Variants in ARHGEF38 observed in about 807,000 individuals in gnomAD.
ARHGEF38 encodes Rho guanine nucleotide exchange factor 38.
ARHGEF38 carries 79 observed loss-of-function variants against 79.9 expected under a neutral mutation model. The observed-to-expected ratio is 0.99, with a 90% CI of 0.82 to 1.19. ARHGEF38 has a LOEUF of 1.19. ARHGEF38 is among the 50% of genes most tolerant of loss of function. The pLI, the probability that ARHGEF38 is intolerant of heterozygous loss-of-function variation, is 0.00. For synonymous variants in ARHGEF38, 366 were observed against 328.3 expected (o/e 1.11, Z -1.24); for missense variants, 962 against 907.2 (o/e 1.06, Z -0.78).
chr4:105,606,426 C>T (rs1728043759), intron 2 of ARHGEF38, among the ~76,000 whole-genome samples: 1 of 151,916 alleles, frequency 6.6e-6, no homozygotes, highest in South Asian at 2.1e-4. Flanking sequence ...AAATTAAGAG[C>T]CCAAAAATAT....
chr4:105,552,677 T>A lies in ARHGEF38; in HGVS notation c.-89T>A. ...TTTAGTTAGAAGGGAGCAGATAAAC[T>A]CGTCACTCTAGTAGCTTTAACCCTC... On this transcript the variant is annotated 5_prime_UTR_variant, in exon 1 of 14. Coordinates refer to ENST00000420470, the MANE Select transcript of ARHGEF38 (RefSeq NM_001242729.2). The A allele has an allele frequency of 9.2e-7, 1 of 1,086,574 alleles. No individual in the cohort carries two copies. The highest frequency in any genetic ancestry group is 1.3e-6 in the Non-Finnish European group (1 of 763,578). The allele number at this position is 1,086,574 out of a possible 1,614,324, so 67.3% of individuals were successfully genotyped here. A position where few individuals can be genotyped will look rare whatever the true frequency, so the allele number is the denominator to read the frequency against.
chr4:105,568,024 T>C (rs1344133909), intron 1 of ARHGEF38, among the ~76,000 whole-genome samples: 1 of 144,728 alleles, frequency 6.9e-6, no homozygotes, highest in East Asian at 2.1e-4. Context: ...TGAGTGAGAA[T>C]ATGCGGTGTT....
Position 105,679,934 on chromosome 4 carries a change from A to ATT in ARHGEF38, c.*1997_*1998insTT. 7.2e-7 allele frequency: 1 copy of ATT among 1,385,276 alleles called. No homozygotes were observed. The highest frequency in any genetic ancestry group is 1.0e-6 in the Non-Finnish European group (1 of 976,248). 85.8% of individuals were successfully genotyped at this position (1,385,276 alleles called of 1,614,324 possible). A position where few individuals can be genotyped will look rare whatever the true frequency, so the allele number is the denominator to read the frequency against. On this transcript the variant is annotated 3_prime_UTR_variant, in exon 14 of 14. Coordinates refer to ENST00000420470, the MANE Select transcript of ARHGEF38 (RefSeq NM_001242729.2). ...CAAAACTTTATAATTACCTCTCTGA[A>ATT]GCCTTTTAGTGTAATTTCTCTTTGT... is the stretch of plus-strand genomic sequence containing the variant.
downstream of ARHGEF38, among the ~76,000 whole-genome samples, chr4:105,681,268 T>G (rs1731301072): frequency 6.6e-6 from 1 of 151,858 alleles, no homozygotes; most frequent in Admixed American, 6.6e-5. Flanking sequence ...ACAGAGCAGT[T>G]TAAAATAATA....
chr4:105,552,840 A>C lies in ARHGEF38; in HGVS notation c.75A>C (p.Arg25Ser). The C allele has an allele frequency of 6.2e-7, 1 of 1,613,702 alleles. No individual in the cohort carries two copies. Among genetic ancestry groups the C allele is most frequent in the South Asian group, 1.1e-5 (1 of 91,042 alleles). ...AGAATCTGGCCTTCTTGAGGTCTAG[A>C]CTCTATATGCTGGAGAGAAGGAAGA... ...KKKNLAFLRS[R>S]LYMLERRKTD... The change falls in exon 1 of 14, where the codon AGA (arginine) becomes AGC (serine). Residue 25 changes from arginine (R) to serine (S), a missense_variant. Physicochemically the swap from Arg to Ser is moderately radical, Grantham distance 110. Coordinates refer to ENST00000420470, the MANE Select transcript of ARHGEF38 (RefSeq NM_001242729.2).
chr4:105,561,434 A>G (rs79092335), intron 1 of ARHGEF38, among the ~76,000 whole-genome samples: 2,000 of 46,290 alleles, frequency 0.043, 175 homozygotes, highest in Non-Finnish European at 0.057. Flanking sequence ...GGAATAGAAT[A>G]GAATAGAATA....
At chr4:105,668,804 T>C (rs529373236) in intron 13 of ARHGEF38, among the ~76,000 whole-genome samples, 3 of 152,094 alleles carry the variant, frequency 2.0e-5, no homozygotes, top group Non-Finnish European at 2.9e-5. Flanking sequence ...TCCCAGCATT[T>C]TGTGAGGCTG....
chr4:105,553,393 T>C (rs1409452514), intron 1 of ARHGEF38, among the ~76,000 whole-genome samples: 1 of 152,138 alleles, frequency 6.6e-6, no homozygotes, highest in Non-Finnish European at 1.5e-5. Context: ...TGAACTATGA[T>C]TGTGGTTATC....
intron 7 of ARHGEF38, among the ~76,000 whole-genome samples, chr4:105,652,777 T>C (rs1273518786): frequency 1.3e-5 from 2 of 152,144 alleles, no homozygotes; most frequent in Admixed American, 6.5e-5. Flanking sequence ...AGTTGGAGCA[T>C]AGCAACCCTA....
intron 3 of ARHGEF38, among the ~76,000 whole-genome samples, chr4:105,618,825 C>A (rs1402762063): frequency 2.0e-5 from 3 of 152,110 alleles, no homozygotes; most frequent in African/African-American, 7.2e-5. Context: ...CATTGAGAAA[C>A]CTAGCAGAGG....
chr4:105,679,408 T>C lies in ARHGEF38; in HGVS notation c.*1471T>C. Reference sequence around the variant, plus strand: ...TGAGACACTGCATTACTATTCAGCTTTCTAAGTTCTTTCCAAGCACAGCTG... The same window carrying C: ...TGAGACACTGCATTACTATTCAGCTCTCTAAGTTCTTTCCAAGCACAGCTG... On this transcript the variant is annotated 3_prime_UTR_variant, in exon 14 of 14. Transcript: ENST00000420470. 1.3e-6 allele frequency: 2 copies of C among 1,546,664 alleles called. No homozygotes were observed. The highest frequency in any genetic ancestry group is 2.2e-5 in the East Asian group (1 of 44,534).
chr4:105,680,368 G>A lies in ARHGEF38; in HGVS notation c.*2431G>A, dbSNP rs1731267459. The stretch of plus-strand genomic sequence containing the variant: ...TTGCTTATCTGTCCATTCATTCATT[G>A]AACCAGTAAGTATTTATTGAGAGTT... On this transcript the variant is annotated 3_prime_UTR_variant, in exon 14 of 14. Coordinates refer to ENST00000420470, the MANE Select transcript of ARHGEF38 (RefSeq NM_001242729.2). 8.3e-6 allele frequency: 2 copies of A among 241,458 alleles called. No homozygotes were observed. Among genetic ancestry groups the A allele is most frequent in the Non-Finnish European group, 8.2e-6 (1 of 122,124 alleles). 15.0% of individuals were successfully genotyped at this position (241,458 alleles called of 1,614,324 possible).
At chr4:105,575,367 T>C (rs935068950) in intron 1 of ARHGEF38, among the ~76,000 whole-genome samples, 12 of 152,218 alleles carry the variant, frequency 7.9e-5, no homozygotes, top group African/African-American at 2.9e-4. Flanking sequence ...AGTAAGATGG[T>C]ATCCCATTGT....
At chr4:105,657,759 T>C (rs1730398208) in intron 9 of ARHGEF38, among the ~76,000 whole-genome samples, 1 of 152,114 alleles carries the variant, frequency 6.6e-6, no homozygotes, top group Middle Eastern at 3.2e-3. Flanking sequence ...GACATCAAAT[T>C]TAATTTGTGT....
At chr4:105,632,759 G>C (rs1729247597) in intron 4 of ARHGEF38, 1 of 152,184 alleles carries the variant, frequency 6.6e-6, no homozygotes, top group Admixed American at 6.5e-5. Context: ...GCCAGCCCTG[G>C]GGATGGAGGT....
intron 13 of ARHGEF38, 45 bp from the exon 14 acceptor site, chr4:105,677,707 T>C (rs900372193): frequency 5.9e-6 from 8 of 1,354,806 alleles, no homozygotes; most frequent in Admixed American, 3.0e-5. Flanking sequence ...TTTCTCTTAA[T>C]ATTCAGGTTC....
At chr4:105,654,359 T>C (rs1730237254) in intron 8 of ARHGEF38, among the ~76,000 whole-genome samples, 190 bp downstream of exon 8, 1 of 152,172 alleles carries the variant, frequency 6.6e-6, no homozygotes, top group Non-Finnish European at 1.5e-5. Flanking sequence ...GTTTGACCTC[T>C]TACCTGCTCC....
At chr4:105,647,372 G>A (rs557540691) in intron 6 of ARHGEF38, among the ~76,000 whole-genome samples, 1 of 150,372 alleles carries the variant, frequency 6.7e-6, no homozygotes, top group Non-Finnish European at 1.5e-5. Flanking sequence ...AAACTTAATC[G>A]TATATCATGA....
rs1243350526 is a variant in ARHGEF38, at chr4:105,609,855, G to T, written c.385-3529G>T. On this transcript the variant is annotated intron_variant, in intron 2 of 13. Transcript: ENST00000420470. ...CATTTGACCCAGCAATCCAATTACT[G>T]GGTGTATACCCAAAGGAATATTAAT... Among the ~76,000 whole-genome samples, 4 of 152,186 alleles carry T rather than the reference G, an allele frequency of 2.6e-5. No homozygotes were observed. The South Asian group carries it at 8.3e-4, about 32-fold the overall frequency.
Sources: allele counts gnomAD v4.1 joint callset (sites outside exome capture counted in the v4.1 genomes callset), GRCh38; gene constraint gnomAD v4.1.1; transcripts MANE v1.5; gene names NCBI Gene and HGNC (gene_info 2026-07-23, HGNC 2026-07-21).